Variants in JAKMIP2 observed in about 807,000 individuals in gnomAD.
JAKMIP2 encodes the protein janus kinase and microtubule-interacting protein 2.
In JAKMIP2, 25 loss-of-function variants were observed where a neutral mutation model predicts 115.0. That is an observed-to-expected ratio of 0.22 (90% CI 0.16 to 0.30). The LOEUF is 0.30. Among genes scored for constraint, JAKMIP2 ranks in the 10% least tolerant of loss-of-function variants. The pLI, the probability that JAKMIP2 is intolerant of heterozygous loss-of-function variation, is 1.00. For synonymous variants in JAKMIP2, 334 were observed against 343.6 expected (o/e 0.97, Z 0.31); for missense variants, 642 against 957.6 (o/e 0.67, Z 4.35).
At chr5:147,611,457 C>T (rs922644395) in intron 20 of JAKMIP2, among the ~76,000 whole-genome samples, 10 of 152,102 alleles carry the variant, frequency 6.6e-5, no homozygotes, top group African/African-American at 2.4e-4. Context: ...CGACCCCTTG[C>T]GCTTCTTGGG....
chr5:147,646,790 G>A (rs1179036294), intron 5 of JAKMIP2, among the ~76,000 whole-genome samples: 1 of 150,326 alleles, frequency 6.7e-6, no homozygotes, highest in Non-Finnish European at 1.5e-5. Context: ...GAAAAAAAAA[G>A]CATAATGATT....
At chr5:147,712,022 C>A (rs1341121752) in intron 1 of JAKMIP2, among the ~76,000 whole-genome samples, 1 of 152,172 alleles carries the variant, frequency 6.6e-6, no homozygotes, top group Non-Finnish European at 1.5e-5. Flanking sequence ...AGTTAAATAG[C>A]CTTAATGCCA....
At chr5:147,605,430 C>T (rs1332721877) in intron 20 of JAKMIP2, among the ~76,000 whole-genome samples, 4 of 151,928 alleles carry the variant, frequency 2.6e-5, no homozygotes, top group African/African-American at 9.7e-5. Flanking sequence ...AGGATGGTCT[C>T]GATCTCCTGA....
intron 11 of JAKMIP2, among the ~76,000 whole-genome samples, 193 bp downstream of exon 11, chr5:147,636,772 G>A (rs2116769): frequency 0.21 from 32,548 of 152,086 alleles, 4,240 homozygotes; most frequent in East Asian, 0.46. Context: ...ATTCACTGTT[G>A]TGGCTGGGTT....
intron 2 of JAKMIP2, chr5:147,661,752 A>G (rs994850650): frequency 6.7e-6 from 2 of 300,496 alleles, no homozygotes; most frequent in African/African-American, 4.4e-5. Context: ...TGTTAGAAGC[A>G]CAGAATCCCT....
chr5:147,658,075 G>A (rs1209160489), intron 3 of JAKMIP2, among the ~76,000 whole-genome samples: 1 of 152,090 alleles, frequency 6.6e-6, no homozygotes, highest in Non-Finnish European at 1.5e-5. Context: ...ACGTTTGGAG[G>A]AGAAGAGGCA....
intron 1 of JAKMIP2, among the ~76,000 whole-genome samples, chr5:147,764,938 G>A (rs796432544): frequency 4.6e-4 from 43 of 93,930 alleles, no homozygotes; most frequent in African/African-American, 1.3e-3. Flanking sequence ...GAGAGAGAGA[G>A]AGAGAGAGGG....
intron 3 of JAKMIP2, among the ~76,000 whole-genome samples, chr5:147,655,131 C>T (rs768797029): frequency 5.1e-4 from 78 of 152,090 alleles, no homozygotes; most frequent in Non-Finnish European, 5.9e-4. Context: ...ATTTTCACAT[C>T]GATGTTCATC....
chr5:147,627,145 G>A (rs1757132211), intron 16 of JAKMIP2, among the ~76,000 whole-genome samples: 1 of 152,162 alleles, frequency 6.6e-6, no homozygotes, highest in Admixed American at 6.5e-5. Flanking sequence ...GAGTCTAGTG[G>A]TAGTTAGATG....
At chr5:147,778,310 G>GT (rs1755638870) in intron 1 of JAKMIP2, among the ~76,000 whole-genome samples, 3 of 151,606 alleles carry the variant, frequency 2.0e-5, no homozygotes, top group South Asian at 4.2e-4. Flanking sequence ...CTTTGTTTTT[G>GT]TTTTTTGTTT....
chr5:147,617,173 G>C (rs1004842576), intron 19 of JAKMIP2, among the ~76,000 whole-genome samples: 2 of 152,098 alleles, frequency 1.3e-5, no homozygotes, highest in African/African-American at 2.4e-5. Flanking sequence ...TGCCTATTTT[G>C]GACCTTGCTG....
At position 147,661,205 on chromosome 5, in the gene JAKMIP2, C is replaced by T. The variant is rs924990107; in HGVS notation, c.370G>A (p.Gly124Ser). ...LKSALCALRD[G>S]SSDKVRTALT... Reference sequence around the variant, plus strand: ...GCTGTCCTTACTTTGTCACTGCTGCCGTCGCGGAGAGCACAGAGAGCAGAC... The same window carrying T: ...GCTGTCCTTACTTTGTCACTGCTGCTGTCGCGGAGAGCACAGAGAGCAGAC... Residue 124 changes from glycine to serine, a missense_variant, in exon 3 of 22, where the codon GGC (glycine) becomes AGC (serine). Coordinates refer to ENST00000616793, the MANE Select transcript of JAKMIP2 (RefSeq NM_001270941.2). The T allele has an allele frequency of 4.3e-6, 7 of 1,613,896 alleles. No individual in the cohort carries two copies. The highest frequency in any genetic ancestry group is 5.1e-6 in the Non-Finnish European group (6 of 1,180,018).
chr5:147,661,483 C>G, intron 2 of JAKMIP2, 38 bp from the exon 3 acceptor site: 1 of 1,578,046 alleles, frequency 6.3e-7, no homozygotes, highest in Non-Finnish European at 8.6e-7. Flanking sequence ...GAGAAATGAG[C>G]CTCAAAGGAC....
chr5:147,702,846 T>A (rs1409288404), intron 1 of JAKMIP2, among the ~76,000 whole-genome samples: 1 of 152,152 alleles, frequency 6.6e-6, no homozygotes, highest in Non-Finnish European at 1.5e-5. Context: ...TTATGTCAAT[T>A]TGAGTTGTGT....
intron 20 of JAKMIP2, among the ~76,000 whole-genome samples, chr5:147,609,046 CTTTAT>C: frequency 6.7e-6 from 1 of 150,358 alleles, no homozygotes; most frequent in East Asian, 2.0e-4. Flanking sequence ...TTCTCCATTC[CTTTAT>C]TTTGAGTCTA....
At chr5:147,664,564 C>T (rs1349482422) in intron 2 of JAKMIP2, among the ~76,000 whole-genome samples, 1 of 152,174 alleles carries the variant, frequency 6.6e-6, no homozygotes, top group African/African-American at 2.4e-5. Flanking sequence ...CATGGCCTGG[C>T]TAGAGGTCAT....
At chr5:147,619,797 G>A (rs145287583) in intron 18 of JAKMIP2, among the ~76,000 whole-genome samples, 154 of 138,148 alleles carry the variant, frequency 1.1e-3, no homozygotes, top group African/African-American at 3.6e-3. Flanking sequence ...TAGGCCACAG[G>A]ATCTGGAGTC....
At chr5:147,735,265 G>C (rs553850732) in intron 1 of JAKMIP2, among the ~76,000 whole-genome samples, 3 of 152,302 alleles carry the variant, frequency 2.0e-5, no homozygotes, top group East Asian at 3.9e-4. Flanking sequence ...ATGTGAAAGT[G>C]ATTGTCAAAT....
intron 3 of JAKMIP2, 42 bp downstream of exon 3, chr5:147,660,906 G>A (rs750520684): frequency 1.3e-6 from 2 of 1,588,532 alleles, no homozygotes. Flanking sequence ...AAACCTGGAA[G>A]AGATGGGTTC....
Sources: gnomAD v4.1 joint callset for allele counts (sites outside exome capture counted in the v4.1 genomes callset) on GRCh38, gnomAD v4.1.1 for gene constraint, MANE v1.5 for transcripts, NCBI Gene and HGNC (gene_info 2026-07-23, HGNC 2026-07-21) for gene names.